The following KCNH5 variants were observed in gnomAD, a reference collection of about 807,000 sequenced individuals.
KCNH5 encodes the protein potassium voltage-gated channel subfamily H member 5, also known as voltage-gated delayed rectifier potassium channel KCNH5.
In KCNH5, 46 loss-of-function variants were observed where a neutral mutation model predicts 96.1. That is an observed-to-expected ratio of 0.48 (90% CI 0.38 to 0.61). KCNH5 has a LOEUF of 0.61. Among genes scored for constraint, KCNH5 ranks in the 20% least tolerant of loss-of-function variants. The probability of loss-of-function intolerance (pLI) is 0.00; values close to 1 mark genes in which losing one functional copy is unlikely to be tolerated. For missense variants in KCNH5, 907 were observed against 1,225.8 expected (o/e 0.74, Z 3.88); for synonymous variants, 439 against 449.8 (o/e 0.98, Z 0.30).
At chr14:62,872,146 A>C (rs1042503559) in intron 7 of KCNH5, among the ~76,000 whole-genome samples, 1 of 152,182 alleles carries the variant, frequency 6.6e-6, no homozygotes, top group Admixed American at 6.5e-5. Context: ...TCATTCATTC[A>C]TTGATTCTAC....
At chr14:62,762,600 C>T (rs922984900) in intron 10 of KCNH5, among the ~76,000 whole-genome samples, 51 of 152,218 alleles carry the variant, frequency 3.4e-4, no homozygotes, top group African/African-American at 1.2e-3. Context: ...ACCTTCCCAT[C>T]GTCACCCCAC....
chr14:62,891,098 ATGCACACAAC>A (rs1476153922), intron 7 of KCNH5, among the ~76,000 whole-genome samples: 1 of 152,172 alleles, frequency 6.6e-6, no homozygotes, highest in Non-Finnish European at 1.5e-5. Flanking sequence ...ATAAAGACAC[ATGCACACAAC>A]TGTTCACTGC....
chr14:62,761,812 T>A (rs1291136189), intron 10 of KCNH5, among the ~76,000 whole-genome samples: 1 of 152,074 alleles, frequency 6.6e-6, no homozygotes, highest in Non-Finnish European at 1.5e-5. Context: ...CTCACCAACA[T>A]ACTAGAGCAT....
chr14:62,961,916 G>A (rs966400643), intron 6 of KCNH5, among the ~76,000 whole-genome samples: 5 of 151,536 alleles, frequency 3.3e-5, no homozygotes, highest in African/African-American at 1.2e-4. Context: ...GATGGAGATG[G>A]AGATGGAGAT....
intron 1 of KCNH5, among the ~76,000 whole-genome samples, chr14:63,042,575 C>T (rs1010276225): frequency 3.9e-5 from 6 of 152,068 alleles, no homozygotes; most frequent in African/African-American, 1.4e-4. Context: ...CCTGCTAAAC[C>T]TCTGCCAACA....
At chr14:62,817,720 G>GAATATATTCTATATAAT (rs1887017869) in intron 8 of KCNH5, among the ~76,000 whole-genome samples, 1 of 142,932 alleles carries the variant, frequency 7.0e-6, no homozygotes, top group South Asian at 2.2e-4. Context: ...TATATTCTAG[G>GAATATATTCTATATAAT]AATATATTCT....
At chr14:62,875,838 T>C (rs1410388755) in intron 7 of KCNH5, among the ~76,000 whole-genome samples, 1 of 151,946 alleles carries the variant, frequency 6.6e-6, no homozygotes, top group Non-Finnish European at 1.5e-5. Context: ...TTAGAAATTG[T>C]CAATGTTACG....
rs2139591310 is a variant in KCNH5, at chr14:63,001,440, A to G, written c.324T>C (p.Tyr108=). The change falls in exon 4 of 11, where the codon TAT becomes TAC. Residue 108 remains tyrosine (Y), a synonymous_variant. Coordinates refer to ENST00000322893, the MANE Select transcript of KCNH5 (RefSeq NM_139318.5). ...CATTTCTTATTGGTGCAATTTGCAT[A>G]TAAAACCAAACAGGGGTTCCTGTAA... ...YKKNRTPVWF[Y]MQIAPIRNEH... 1 of 1,611,712 alleles carries G rather than the reference A, an allele frequency of 6.2e-7. No homozygotes were observed. Among genetic ancestry groups the G allele is most frequent in the South Asian group, 1.1e-5 (1 of 90,412 alleles).
chr14:62,946,098 G>A (rs1474568806), intron 7 of KCNH5, among the ~76,000 whole-genome samples: 1 of 152,002 alleles, frequency 6.6e-6, no homozygotes, highest in Non-Finnish European at 1.5e-5. Context: ...TACTTCAAAA[G>A]TTCAGGCCAG....
intron 8 of KCNH5, among the ~76,000 whole-genome samples, chr14:62,831,924 G>C (rs115559157): frequency 0.013 from 1,998 of 151,946 alleles, 39 homozygotes; most frequent in African/African-American, 0.046. Context: ...TGTTACCCAG[G>C]GTGGTCTTAA....
At chr14:62,859,220 TA>T (rs1887986950) in intron 7 of KCNH5, among the ~76,000 whole-genome samples, 1 of 151,978 alleles carries the variant, frequency 6.6e-6, no homozygotes, top group Non-Finnish European at 1.5e-5. Flanking sequence ...TTACCCAGAG[TA>T]ATGGTGCCAT....
chr14:62,707,533 G>T lies in KCNH5; in HGVS notation c.2942C>A (p.Ser981Tyr), dbSNP rs759404200. Reference sequence around the variant, plus strand: ...TTAAAAGTGGATTTCATCTTTGTCAGATTCAGGTGATTCAGGCCTTGAGAC... The same window carrying T: ...TTAAAAGTGGATTTCATCTTTGTCATATTCAGGTGATTCAGGCCTTGAGAC... ...FSVSRPESPE[S>Y]DKDEIHF Residue 981 changes from serine to tyrosine, a missense_variant, in exon 11 of 11, where the codon TCT becomes TAT. Physicochemically the swap from Ser to Tyr is moderately radical, Grantham distance 144. Coordinates refer to ENST00000322893, the MANE Select transcript of KCNH5 (RefSeq NM_139318.5). 1.4e-6 allele frequency: 2 copies of T among 1,461,126 alleles called. No individual in the cohort carries two copies. The highest frequency in any genetic ancestry group is 2.4e-5 in the Admixed American group (1 of 41,516). The allele number at this position is 1,461,126 out of a possible 1,614,324, so 90.5% of individuals were successfully genotyped here.
intron 6 of KCNH5, among the ~76,000 whole-genome samples, chr14:62,963,834 TACAG>T (rs755939929): frequency 3.2e-4 from 49 of 152,056 alleles, no homozygotes; most frequent in Admixed American, 1.2e-3. Context: ...GAGAAAAGCA[TACAG>T]ACAGAGTCAG....
intron 10 of KCNH5, among the ~76,000 whole-genome samples, chr14:62,725,367 T>G (rs1442814000): frequency 2.0e-5 from 3 of 152,214 alleles, no homozygotes; most frequent in African/African-American, 7.2e-5. Context: ...TTTCTGTAAT[T>G]AGAGGTAGTC....
At chr14:62,934,340 T>G (rs1353272115) in intron 7 of KCNH5, among the ~76,000 whole-genome samples, 3 of 152,174 alleles carry the variant, frequency 2.0e-5, no homozygotes, top group Admixed American at 1.3e-4. Flanking sequence ...ATATTTGTGC[T>G]TCTCATCTAA....
rs558748074 is a variant in KCNH5 at position 62,965,244 on chromosome 14, T to C, written c.943-14685A>G. Among the ~76,000 whole-genome samples the C allele has an allele frequency of 1.4e-4, 22 of 152,248 alleles. No individual in the cohort carries two copies. The South Asian group carries it at 4.6e-3, about 32-fold the overall frequency. On this transcript the variant is annotated intron_variant, in intron 6 of 10. Coordinates refer to ENST00000322893, the MANE Select transcript of KCNH5 (RefSeq NM_139318.5). ...AGTTGAGATTTGATCCCCAATGTGG[T>C]AGTGTTGGAACATGGGGCCTAGTGG...
At chr14:62,820,981 G>A (rs1435850776) in intron 8 of KCNH5, among the ~76,000 whole-genome samples, 2 of 152,020 alleles carry the variant, frequency 1.3e-5, no homozygotes, top group Non-Finnish European at 2.9e-5. Flanking sequence ...CATGATGGTT[G>A]AACTAATTTA....
At chr14:62,847,041 C>T (rs1244729260) in intron 8 of KCNH5, among the ~76,000 whole-genome samples, 6 of 149,082 alleles carry the variant, frequency 4.0e-5, no homozygotes, top group East Asian at 3.9e-4. Flanking sequence ...ACCTCGTGAT[C>T]CGCCCACCTC....
At chr14:63,025,000 A>C (rs1891499299) in intron 1 of KCNH5, among the ~76,000 whole-genome samples, 1 of 152,176 alleles carries the variant, frequency 6.6e-6, no homozygotes, top group African/African-American at 2.4e-5. Flanking sequence ...AATATTTTCA[A>C]ACCAAATTCA....
Sources: allele counts gnomAD v4.1 joint callset (sites outside exome capture counted in the v4.1 genomes callset), GRCh38; gene constraint gnomAD v4.1.1; transcripts MANE v1.5; gene names NCBI Gene and HGNC (gene_info 2026-07-23, HGNC 2026-07-21).